OTOA: variants seen among roughly 807,000 people sequenced by gnomAD.
The protein encoded by OTOA is cancer/testis antigen 108.
A neutral mutation model predicts 110.8 loss-of-function variants in OTOA; 70 were observed. The observed-to-expected ratio is 0.63, with a 90% CI of 0.52 to 0.77. The LOEUF is 0.77. OTOA is among the 30% of genes least tolerant of loss of function. The pLI, the probability that OTOA is intolerant of heterozygous loss-of-function variation, is 0.00. For missense variants in OTOA, 917 were observed against 1,075.8 expected (o/e 0.85, Z 2.06); for synonymous variants, 373 against 431.5 (o/e 0.86, Z 1.68).
chr16:21,725,144 A>G (rs1898873446), intron 18 of OTOA, among the ~76,000 whole-genome samples: 1 of 152,010 alleles, frequency 6.6e-6, no homozygotes, highest in African/African-American at 2.4e-5. Context: ...AGAATTAAGG[A>G]CCACTTGTGT....
Position 21,678,564 on chromosome 16 carries a change from G to C in OTOA, c.50G>C (p.Ser17Thr), listed in dbSNP as rs1287549445. The change falls in exon 2 of 29, where the codon AGC (serine) becomes ACC (threonine). Residue 17 changes from serine (S) to threonine (T), a missense_variant. Transcript: ENST00000646100. ...TCCCTTTTCCTATTCCTTTTTCTGA[G>C]CCATGGAGTGTCGAGTTATACAGTG... ...TYSLFLFLFLSHGVSSYTVPN... is the reference protein window; with the variant it reads ...TYSLFLFLFLTHGVSSYTVPN... 1 of 1,613,874 alleles carries C rather than the reference G, an allele frequency of 6.2e-7. No homozygotes were observed. Among genetic ancestry groups the C allele is most frequent in the South Asian group, 1.1e-5 (1 of 91,076 alleles).
rs559708721 is a variant in OTOA, at chr16:21,683,499, C to A, written c.267+1674C>A. Among the ~76,000 whole-genome samples the A allele has an allele frequency of 3.9e-5, 6 of 152,048 alleles. No individual in the cohort carries two copies. The South Asian group carries it at 1.3e-3, about 32-fold the overall frequency. On this transcript the variant is annotated intron_variant, in intron 6 of 28. Coordinates refer to ENST00000646100, the MANE Select transcript of OTOA (RefSeq NM_144672.4). The stretch of plus-strand genomic sequence containing the variant: ...CTTGATACCAGGAGTTGGAGACAAG[C>A]CTTGCCAACATAGCGAGACCTTGTC...
intron 9 of OTOA, among the ~76,000 whole-genome samples, chr16:21,694,520 T>C (rs1897894082): frequency 6.6e-6 from 1 of 152,010 alleles, no homozygotes; most frequent in Admixed American, 6.6e-5. Flanking sequence ...ATGGGCTGAG[T>C]TTGCCCCATG....
At chr16:21,710,402 C>A (rs1042353206) in intron 13 of OTOA, among the ~76,000 whole-genome samples, 2 of 152,130 alleles carry the variant, frequency 1.3e-5, no homozygotes, top group African/African-American at 2.4e-5. Flanking sequence ...TGGATCAGGG[C>A]CCCACCTGAC....
At chr16:21,680,230 C>T (rs1039369873) in intron 5 of OTOA, among the ~76,000 whole-genome samples, 3 of 147,188 alleles carry the variant, frequency 2.0e-5, no homozygotes, top group African/African-American at 7.5e-5. Flanking sequence ...TATAAGATTA[C>T]AGGCCGGGCG....
Position 21,716,948 on chromosome 16 carries a change from A to G in OTOA, c.1530A>G (p.Ile510Met). ...ACACTGCCCCAGGCATCGTGGAGAT[A>G]CAAGGGGCTTTCTTTAAGGAAGTGT... ...AEDTAPGIVEIQGAFFKEVSL... is the reference protein window; with the variant it reads ...AEDTAPGIVEMQGAFFKEVSL... The change falls in exon 15 of 29, where the codon ATA (isoleucine) becomes ATG (methionine). Residue 510 changes from isoleucine (I) to methionine (M), a missense_variant. By Grantham distance (10) the Ile-to-Met change is conservative. This residue lies in a region of OTOA where 840 missense variants were observed against 910.2 expected (regional missense o/e 0.92). Coordinates refer to ENST00000646100, the MANE Select transcript of OTOA (RefSeq NM_144672.4). 3.7e-6 allele frequency: 6 copies of G among 1,614,070 alleles called. No homozygotes were observed. Among genetic ancestry groups the G allele is most frequent in the Non-Finnish European group, 5.1e-6 (6 of 1,179,996 alleles).
intron 12 of OTOA, among the ~76,000 whole-genome samples, chr16:21,707,660 TTTCTTTC>T (rs1898226883): frequency 1.4e-5 from 2 of 142,396 alleles, no homozygotes; most frequent in Non-Finnish European, 3.1e-5. Flanking sequence ...TTTCTTTCTC[TTTCTTTC>T]TCTTTCTGTC....
At chr16:21,727,819 G>A (rs536479248) in intron 19 of OTOA, among the ~76,000 whole-genome samples, 2 of 152,090 alleles carry the variant, frequency 1.3e-5, no homozygotes, top group African/African-American at 4.8e-5. Flanking sequence ...GGCAGGGTAG[G>A]CAGTTAAGAT....
chr16:21,714,028 AG>A (rs1898438775), intron 13 of OTOA, among the ~76,000 whole-genome samples: 1 of 152,152 alleles, frequency 6.6e-6, no homozygotes, highest in Non-Finnish European at 1.5e-5. Context: ...AGAGGTCAAA[AG>A]GTCTTGCCTT....
At chr16:21,715,293 C>T (rs1898518701) in intron 14 of OTOA, 141 bp downstream of exon 14, 3 of 1,067,454 alleles carry the variant, frequency 2.8e-6, no homozygotes, top group Admixed American at 1.8e-5. Flanking sequence ...TCTGCCTTCT[C>T]CTGGTGGCAC....
chr16:21,697,779 C>T lies in OTOA; in HGVS notation c.744C>T (p.Asp248=), dbSNP rs1035000402. ...ILQTSSNATD[D]SASWVSAEHL... ...TCATTTCTTTATTTTTTGTAGATGACTCTGCTTCATGGGTCAGTGCGGAAC... is the reference window on the plus strand; with the variant it reads ...TCATTTCTTTATTTTTTGTAGATGATTCTGCTTCATGGGTCAGTGCGGAAC... The change falls in exon 10 of 29, where the codon GAC becomes GAT. Residue 248 remains aspartate (D), a synonymous_variant. Transcript: ENST00000646100. The T allele has an allele frequency of 3.1e-6, 5 of 1,613,910 alleles. No individual in the cohort carries two copies. Among genetic ancestry groups the T allele is most frequent in the Non-Finnish European group, 4.2e-6 (5 of 1,179,858 alleles).
intron 14 of OTOA, 107 bp downstream of exon 14, chr16:21,715,259 T>C: frequency 6.8e-7 from 1 of 1,476,284 alleles, no homozygotes; most frequent in Non-Finnish European, 9.4e-7. Context: ...TGGGATTGTC[T>C]CAGCTGTTGG....
rs767786513 is a variant in OTOA, at chr16:21,722,899, T to C, written c.1807-6T>C. On this transcript the variant is annotated splice_region_variant and splice_polypyrimidine_tract_variant and intron_variant, in intron 17 of 28. Transcript: ENST00000646100. Reference sequence around the variant, plus strand: ...ATTAAATCCCCAGAACTGCTTAATCTTTCAGGTTAATTGTTTGGCGTGGAA... The same window carrying C: ...ATTAAATCCCCAGAACTGCTTAATCCTTCAGGTTAATTGTTTGGCGTGGAA... 6.2e-6 allele frequency: 10 copies of C among 1,613,880 alleles called. No individual in the cohort carries two copies. The Admixed American group carries it at 1.7e-4, about 27-fold the overall frequency.
chr16:21,706,159 G>T (rs188836804), intron 12 of OTOA, among the ~76,000 whole-genome samples: 6 of 152,296 alleles, frequency 3.9e-5, no homozygotes, highest in Admixed American at 3.9e-4. Flanking sequence ...ATCACCTGGG[G>T]ATCTTAAATG....
At chr16:21,734,767 G>A (rs1197968855) in intron 21 of OTOA, among the ~76,000 whole-genome samples, 4 of 152,152 alleles carry the variant, frequency 2.6e-5, no homozygotes, top group Admixed American at 1.3e-4. Flanking sequence ...AACCCAGGGG[G>A]CAGAGCTTGC....
chr16:21,721,824 C>T (rs1898751829), intron 17 of OTOA, among the ~76,000 whole-genome samples: 1 of 151,920 alleles, frequency 6.6e-6, no homozygotes, highest in Admixed American at 6.6e-5. Context: ...CCTGGGAGTT[C>T]AAGGTGGCAG....
intron 1 of OTOA, among the ~76,000 whole-genome samples, chr16:21,675,688 G>A (rs1453638863): frequency 1.3e-5 from 2 of 151,860 alleles, no homozygotes; most frequent in East Asian, 1.9e-4. Context: ...TTCAGATATT[G>A]TATTTTTATC....
chr16:21,695,866 G>GAT lies in OTOA; in HGVS notation c.740-1884_740-1883dup, dbSNP rs71151648. On this transcript the variant is annotated intron_variant, in intron 9 of 28. Transcript: ENST00000646100. ...ACTTGAAGTCTGATCCTAGACTTGAGATATATATATATATATATATATATA... is the reference window on the plus strand; with the variant it reads ...ACTTGAAGTCTGATCCTAGACTTGAGATATATATATATATATATATATATATA... 7.7e-3 allele frequency among the ~76,000 whole-genome samples: 559 copies of GAT among 72,654 alleles called. 25 individuals carry two copies. The highest frequency in any genetic ancestry group is 0.071 in the East Asian group (143 of 2,000). 47.7% of individuals were successfully genotyped at this position (72,654 alleles called of 152,430 possible). A position where few individuals can be genotyped will look rare whatever the true frequency, so the allele number is the denominator to read the frequency against.
At chr16:21,684,510 C>T (rs1290834916) in intron 6 of OTOA, 11 of 1,550,228 alleles carry the variant, frequency 7.1e-6, no homozygotes, top group Non-Finnish European at 9.6e-6. Context: ...TGGACAAAGG[C>T]CAGCTGCTGC....
Sources: allele counts gnomAD v4.1 joint callset (sites outside exome capture counted in the v4.1 genomes callset), GRCh38; gene constraint gnomAD v4.1.1; regional missense constraint gnomAD v4.1.1; transcripts MANE v1.5; gene names NCBI Gene and HGNC (gene_info 2026-07-23, HGNC 2026-07-21).